The following ARHGAP10 variants were observed in gnomAD, a reference collection of about 807,000 sequenced individuals.
ARHGAP10 encodes Rho GTPase activating protein 10, also known as rho GTPase-activating protein 10.
Under a neutral mutation model 108.6 loss-of-function variants are expected in ARHGAP10, and 87 were observed. The ratio of observed to expected loss-of-function variants is 0.80; its 90% CI spans 0.67 to 0.96. ARHGAP10 has a LOEUF of 0.96. ARHGAP10 is among the 40% of genes least tolerant of loss of function. The pLI is 0.00. For missense variants in ARHGAP10, 939 were observed against 954.5 expected (o/e 0.98, Z 0.21); for synonymous variants, 347 against 341.1 (o/e 1.02, Z -0.19).
intron 1 of ARHGAP10, among the ~76,000 whole-genome samples, chr4:147,743,746 C>T (rs1384994288): frequency 6.6e-6 from 1 of 152,264 alleles, no homozygotes; most frequent in Admixed American, 6.5e-5. Flanking sequence ...CATTGCACTC[C>T]AGCCTGGGCA....
chr4:147,805,125 T>C (rs370195673), intron 1 of ARHGAP10, among the ~76,000 whole-genome samples: 129 of 152,354 alleles, frequency 8.5e-4, no homozygotes, highest in African/African-American at 2.9e-3. Context: ...TTGAAGTCTT[T>C]AATTCATCTT....
chr4:147,916,868 A>G (rs1737007041), intron 13 of ARHGAP10: 1 of 152,180 alleles, frequency 6.6e-6, no homozygotes, highest in East Asian at 1.9e-4. Context: ...GCCCCTTGTT[A>G]GTATAATTAA....
At chr4:147,771,983 G>T (rs1487085724) in intron 1 of ARHGAP10, among the ~76,000 whole-genome samples, 1 of 152,102 alleles carries the variant, frequency 6.6e-6, no homozygotes, top group Non-Finnish European at 1.5e-5. Context: ...GTAGAGGTTG[G>T]GTTTCACCAT....
rs186465018 is a variant in ARHGAP10 at position 148,057,099 on chromosome 4, C to T, written c.2028-6049C>T. Among the ~76,000 whole-genome samples, 747 of 152,288 alleles carry T rather than the reference C, an allele frequency of 4.9e-3. 2 individuals carry two copies. The highest frequency in any genetic ancestry group is 7.2e-3 in the Non-Finnish European group (491 of 68,032). On this transcript the variant is annotated intron_variant, in intron 20 of 22. Transcript: ENST00000336498. ...TGTGGGCCAACCTCTGGGGGGCACT[C>T]GTAAGTCATTCGCTTCCTTCTCAGC...
intron 18 of ARHGAP10, among the ~76,000 whole-genome samples, chr4:148,003,994 G>T (rs1032170847): frequency 2.0e-5 from 3 of 152,222 alleles, no homozygotes; most frequent in Non-Finnish European, 4.4e-5. Flanking sequence ...GAACTACGTG[G>T]TTTTCTGTAC....
chr4:147,869,072 G>A (rs1256198637), intron 7 of ARHGAP10, among the ~76,000 whole-genome samples: 2 of 152,194 alleles, frequency 1.3e-5, no homozygotes, highest in Admixed American at 1.3e-4. Context: ...AGGCAGGACT[G>A]TATATACAAC....
At chr4:147,908,767 C>G (rs899397724) in intron 11 of ARHGAP10, among the ~76,000 whole-genome samples, 7 of 152,168 alleles carry the variant, frequency 4.6e-5, no homozygotes, top group African/African-American at 1.7e-4. Context: ...CCTTATCACT[C>G]CATAGCTGTA....
chr4:148,011,592 C>T (rs1303404203), intron 18 of ARHGAP10, among the ~76,000 whole-genome samples: 3 of 152,222 alleles, frequency 2.0e-5, no homozygotes, highest in African/African-American at 7.2e-5. Context: ...ATATAGTTCA[C>T]TTTCACATCA....
At chr4:147,894,513 C>T (rs1579170017) in intron 10 of ARHGAP10, among the ~76,000 whole-genome samples, 1 of 151,978 alleles carries the variant, frequency 6.6e-6, no homozygotes, top group Non-Finnish European at 1.5e-5. Flanking sequence ...CTATCTTTTT[C>T]TTCAGTGTCT....
chr4:147,902,064 T>C (rs1736272502), intron 10 of ARHGAP10, among the ~76,000 whole-genome samples: 1 of 152,212 alleles, frequency 6.6e-6, no homozygotes, highest in African/African-American at 2.4e-5. Flanking sequence ...TGATGGTATA[T>C]TGTAGTTGAT....
intron 13 of ARHGAP10, among the ~76,000 whole-genome samples, chr4:147,929,062 C>T (rs985795128): frequency 6.6e-6 from 1 of 152,114 alleles, no homozygotes; most frequent in African/African-American, 2.4e-5. Flanking sequence ...TATTTTGTAA[C>T]CTTAACACAT....
intron 10 of ARHGAP10, among the ~76,000 whole-genome samples, chr4:147,891,671 C>A (rs1398681588): frequency 6.6e-6 from 1 of 152,138 alleles, no homozygotes. Context: ...TGAATACCTA[C>A]CATAGCTAAA....
intron 1 of ARHGAP10, among the ~76,000 whole-genome samples, chr4:147,768,073 GAATA>G (rs1310081528): frequency 6.6e-6 from 1 of 152,182 alleles, no homozygotes; most frequent in Non-Finnish European, 1.5e-5. Context: ...TATTTACACT[GAATA>G]AATACCTGTA....
At chr4:147,882,457 C>T (rs1311508917) in intron 10 of ARHGAP10, among the ~76,000 whole-genome samples, 4 of 47,022 alleles carry the variant, frequency 8.5e-5, no homozygotes, top group South Asian at 2.3e-3. Context: ...AGTGAGACTC[C>T]GTTTCAAAAA....
At chr4:147,828,362 G>A (rs1398469247) in intron 3 of ARHGAP10, among the ~76,000 whole-genome samples, 1 of 152,142 alleles carries the variant, frequency 6.6e-6, no homozygotes, top group Admixed American at 6.5e-5. Flanking sequence ...TGTTGGTTTT[G>A]AGCCACCAGT....
intron 16 of ARHGAP10, among the ~76,000 whole-genome samples, chr4:147,961,120 A>G (rs1167914571): frequency 1.3e-5 from 2 of 152,226 alleles, no homozygotes; most frequent in Non-Finnish European, 2.9e-5. Flanking sequence ...GCTTTAGTAG[A>G]TAACTGCCAA....
At chr4:147,757,814 G>C (rs555492993) in intron 1 of ARHGAP10, among the ~76,000 whole-genome samples, 1 of 152,276 alleles carries the variant, frequency 6.6e-6, no homozygotes, top group East Asian at 1.9e-4. Flanking sequence ...CCTGGCTCAC[G>C]CTGGTCATTG....
At chr4:147,995,906 A>T (rs1004967142) in intron 18 of ARHGAP10, among the ~76,000 whole-genome samples, 3 of 152,110 alleles carry the variant, frequency 2.0e-5, no homozygotes, top group Non-Finnish European at 4.4e-5. Context: ...TTTAGTAGAG[A>T]TGGGGTTTCA....
chr4:147,798,178 T>C (rs1731394161), intron 1 of ARHGAP10, among the ~76,000 whole-genome samples: 1 of 152,126 alleles, frequency 6.6e-6, no homozygotes, highest in South Asian at 2.1e-4. Context: ...TCAGTAGCTT[T>C]ATTTAAATGT....
Sources: allele counts gnomAD v4.1 joint callset (sites outside exome capture counted in the v4.1 genomes callset), GRCh38; gene constraint gnomAD v4.1.1; transcripts MANE v1.5; gene names NCBI Gene and HGNC (gene_info 2026-07-23, HGNC 2026-07-21).